Variants in CRPPA observed in about 807,000 individuals in gnomAD.
The protein encoded by CRPPA is CDP-L-ribitol pyrophosphorylase A.
In CRPPA, 43 loss-of-function variants were observed where a neutral mutation model predicts 52.0. The observed-to-expected ratio is 0.83, with a 90% CI of 0.65 to 1.07. The LOEUF (loss-of-function observed/expected upper bound fraction) is 1.07. Ranked by LOEUF, CRPPA falls within the 50% of genes least tolerant of loss-of-function variation. The pLI is 0.00. For missense variants in CRPPA, 629 were observed against 551.7 expected (o/e 1.14, Z -1.40); for synonymous variants, 250 against 203.5 (o/e 1.23, Z -1.94).
chr7:16,211,587 A>C (rs868682653), intron 9 of CRPPA, among the ~76,000 whole-genome samples: 3 of 152,206 alleles, frequency 2.0e-5, no homozygotes, highest in Admixed American at 1.3e-4. Context: ...ATAAAAAAAA[A>C]CAGTGTTCTG....
At chr7:16,141,545 A>C (rs893577498) in intron 9 of CRPPA, among the ~76,000 whole-genome samples, 1 of 152,208 alleles carries the variant, frequency 6.6e-6, no homozygotes, top group Non-Finnish European at 1.5e-5. Flanking sequence ...AAAACATTTC[A>C]TTTTAAAGGG....
At chr7:16,194,027 G>C (rs1403528895) in intron 9 of CRPPA, among the ~76,000 whole-genome samples, 1 of 152,050 alleles carries the variant, frequency 6.6e-6, no homozygotes, top group Non-Finnish European at 1.5e-5. Context: ...ACCAGGACCA[G>C]ACCATTTAAT....
intron 4 of CRPPA, among the ~76,000 whole-genome samples, chr7:16,302,158 CG>C (rs1297841854): frequency 6.6e-6 from 1 of 151,670 alleles, no homozygotes; most frequent in Non-Finnish European, 1.5e-5. Context: ...TAGCCAGGCG[CG>C]GTGGCGGGCG....
intron 8 of CRPPA, among the ~76,000 whole-genome samples, chr7:16,245,595 C>G (rs896221921): frequency 3.9e-5 from 6 of 152,138 alleles, no homozygotes; most frequent in African/African-American, 1.4e-4. Context: ...TAGACATAAT[C>G]TAGTGACACA....
chr7:16,279,990 G>C (rs1562604776), intron 5 of CRPPA, among the ~76,000 whole-genome samples: 1 of 152,218 alleles, frequency 6.6e-6, no homozygotes, highest in East Asian at 1.9e-4. Flanking sequence ...ACATGCGTCT[G>C]CTTATGCAGG....
chr7:16,113,817 A>T (rs1453255520), intron 9 of CRPPA, among the ~76,000 whole-genome samples: 1 of 151,962 alleles, frequency 6.6e-6, no homozygotes, highest in Non-Finnish European at 1.5e-5. Context: ...CCCTTCTTAC[A>T]CTAAAGTCTG....
At chr7:16,198,945 T>C (rs1351977282) in intron 9 of CRPPA, among the ~76,000 whole-genome samples, 8 of 152,080 alleles carry the variant, frequency 5.3e-5, no homozygotes, top group African/African-American at 1.9e-4. Context: ...GCAACCAAAC[T>C]CCATCAGCAG....
At chr7:16,167,129 T>A (rs557017579) in intron 9 of CRPPA, among the ~76,000 whole-genome samples, 1 of 152,022 alleles carries the variant, frequency 6.6e-6, no homozygotes, top group East Asian at 1.9e-4. Context: ...GGTTTCACCA[T>A]GTTAGCCAGG....
At chr7:16,411,286 C>T (rs1364989748) in intron 1 of CRPPA, among the ~76,000 whole-genome samples, 1 of 152,128 alleles carries the variant, frequency 6.6e-6, no homozygotes, top group African/African-American at 2.4e-5. Flanking sequence ...CTGTGATCTC[C>T]AGTCTGACTC....
intron 3 of CRPPA, among the ~76,000 whole-genome samples, chr7:16,313,781 T>C (rs1310772433): frequency 6.6e-6 from 1 of 152,030 alleles, no homozygotes; most frequent in East Asian, 1.9e-4. Flanking sequence ...TTTAAGAGTA[T>C]GTTGTTTAGT....
chr7:16,417,894 C>A (rs1366919628), intron 1 of CRPPA, among the ~76,000 whole-genome samples: 1 of 152,138 alleles, frequency 6.6e-6, no homozygotes, highest in Admixed American at 6.6e-5. Context: ...AGTGGTGACA[C>A]CCATTATTTT....
At chr7:16,184,477 A>G (rs1009116243) in intron 9 of CRPPA, among the ~76,000 whole-genome samples, 2 of 152,168 alleles carry the variant, frequency 1.3e-5, no homozygotes, top group African/African-American at 4.8e-5. Flanking sequence ...TTAGTAAATA[A>G]AGTAAATGAC....
At chr7:16,364,038 C>A (rs1786524614) in intron 3 of CRPPA, among the ~76,000 whole-genome samples, 1 of 152,120 alleles carries the variant, frequency 6.6e-6, no homozygotes, top group African/African-American at 2.4e-5. Flanking sequence ...ATTATACTAT[C>A]TTCACAAATA....
chr7:16,235,444 A>G (rs1459167423), intron 8 of CRPPA, among the ~76,000 whole-genome samples: 1 of 152,088 alleles, frequency 6.6e-6, no homozygotes, highest in Admixed American at 6.6e-5. Context: ...TTGAAAATCT[A>G]TATCAAAAAT....
intron 9 of CRPPA, chr7:16,209,273 C>CTTTTTGTTTTTTTTTTTTTTTTT (rs1782058648): frequency 8.2e-6 from 1 of 122,066 alleles, no homozygotes; most frequent in Non-Finnish European, 1.8e-5. Flanking sequence ...TTCTAAGTGT[C>CTTTTTGTTTTTTTTTTTTTTTTT]TTTTTTTTTT....
chr7:16,307,092 A>G lies in CRPPA; in HGVS notation c.789+1431T>C, dbSNP rs531758294. Among the ~76,000 whole-genome samples, 5 of 152,292 alleles carry G rather than the reference A, an allele frequency of 3.3e-5. No homozygotes were observed. In the East Asian group the frequency reaches 7.8e-4, roughly 24 times the overall value. On this transcript the variant is annotated intron_variant, in intron 4 of 9. Transcript: ENST00000407010. ...CTGTTTTAAAAATCAGTAAGGAAAT[A>G]TGCTTATAGACTCAATTAGAATGAA...
At chr7:16,378,455 G>T (rs1401930120) in intron 2 of CRPPA, among the ~76,000 whole-genome samples, 2 of 151,308 alleles carry the variant, frequency 1.3e-5, no homozygotes, top group Non-Finnish European at 2.9e-5. Context: ...ATTTTTTATG[G>T]CTGCATAGTA....
intron 9 of CRPPA, among the ~76,000 whole-genome samples, chr7:16,133,881 A>T (rs1219257478): frequency 1.6e-5 from 2 of 125,038 alleles, no homozygotes; most frequent in African/African-American, 5.2e-5. Flanking sequence ...CAAATACAGT[A>T]TTGTAAATGT....
chr7:16,228,877 T>C lies in CRPPA; in HGVS notation c.1120-12680A>G, dbSNP rs149201638. Among the ~76,000 whole-genome samples, 1,432 of 152,074 alleles carry C rather than the reference T, an allele frequency of 9.4e-3. 12 individuals carry two copies. Among genetic ancestry groups the C allele is most frequent in the South Asian group, 0.015 (73 of 4,834 alleles). On this transcript the variant is annotated intron_variant, in intron 8 of 9. Transcript: ENST00000407010. ...ATTGGTTTTCTGGTTAACCTGCTCA[T>C]TGCTGGTAGCAGATGTTAAAGTACC...
Sources: gnomAD v4.1 joint callset for allele counts (sites outside exome capture counted in the v4.1 genomes callset) on GRCh38, gnomAD v4.1.1 for gene constraint, MANE v1.5 for transcripts, NCBI Gene and HGNC (gene_info 2026-07-23, HGNC 2026-07-21) for gene names.